The following PHC3 variants were observed in gnomAD, a reference collection of about 807,000 sequenced individuals.
The protein encoded by PHC3 is polyhomeotic-like protein 3.
In PHC3, 13 loss-of-function variants were observed where a neutral mutation model predicts 107.4. That is an observed-to-expected ratio of 0.12 (90% CI 0.08 to 0.19). The LOEUF is 0.19. Among genes scored for constraint, PHC3 ranks in the 10% least tolerant of loss-of-function variants. The pLI is 1.00. For missense variants in PHC3, 992 were observed against 1,210.9 expected (o/e 0.82, Z 2.68); for synonymous variants, 456 against 427.4 (o/e 1.07, Z -0.83).
intron 4 of PHC3, among the ~76,000 whole-genome samples, chr3:170,150,970 T>C (rs748701615): frequency 5.9e-5 from 9 of 152,208 alleles, no homozygotes; most frequent in Admixed American, 1.3e-4. Context: ...CCCAGCACTT[T>C]GGGAGGCTGA....
At chr3:170,144,211 C>T (rs1182252620) in intron 6 of PHC3, among the ~76,000 whole-genome samples, 2 of 150,018 alleles carry the variant, frequency 1.3e-5, no homozygotes, top group South Asian at 2.1e-4. Context: ...CGTAGTAGTG[C>T]GTGCCTGTAA....
Position 170,172,698 on chromosome 3 carries a change from T to C in PHC3, c.195A>G (p.Ala65=), listed in dbSNP as rs371775775. ...CAGCTGAGCTGGGGGGCCGATGCAATGCCTGTTGAATTACCTGTGATAAGT... is the reference window on the plus strand; with the variant it reads ...CAGCTGAGCTGGGGGGCCGATGCAACGCCTGTTGAATTACCTGTGATAAGT... The part of the protein sequence containing the change: ...DRHAVQVIQQ[A]LHRPPSSAAQ... The change falls in exon 3 of 15, where the codon GCA becomes GCG. Residue 65 remains alanine (A), a synonymous_variant. Coordinates refer to ENST00000495893, the MANE Select transcript of PHC3 (RefSeq NM_024947.4). 465 of 1,606,568 alleles carry C rather than the reference T, an allele frequency of 2.9e-4. No individual in the cohort carries two copies. The highest frequency in any genetic ancestry group is 2.4e-3 in the Middle Eastern group (14 of 5,912).
rs1052781575 is a variant in PHC3 at position 170,097,401 on chromosome 3, G to A, written c.2834-17C>T. On this transcript the variant is annotated splice_polypyrimidine_tract_variant and intron_variant, in intron 14 of 14. Coordinates refer to ENST00000495893, the MANE Select transcript of PHC3 (RefSeq NM_024947.4). This position sits in a 1 kb window ranked among gnomAD's most constrained non-coding sequence, Gnocchi z 4.1. ...CCTGGCAGCCTGGAATTTGACCAGA[G>A]GACAGAAGTTAGAATTAAATATACA... is the stretch of plus-strand genomic sequence containing the variant. The A allele has an allele frequency of 1.2e-6, 2 of 1,607,680 alleles. No homozygotes were observed. Among genetic ancestry groups the A allele is most frequent in the Admixed American group, 1.7e-5 (1 of 59,642 alleles).
chr3:170,178,182 C>T (rs1730810272), intron 2 of PHC3, among the ~76,000 whole-genome samples: 1 of 142,030 alleles, frequency 7.0e-6, no homozygotes, highest in Admixed American at 7.5e-5. Context: ...CTCGTTCTGT[C>T]GCTCAGGCGG....
rs1283640198 is a variant in PHC3 at position 170,136,498 on chromosome 3, C to T, written c.840G>A (p.Lys280=). ...ATTCCAGGCTTGGGCTCTCTCCTTT[C>T]TTATTACTTTCTGGAGAAGGATCTC... is the stretch of plus-strand genomic sequence containing the variant. The part of the protein sequence containing the change: ...SQRDPSPESN[K]KGESPSLESR... Residue 280 remains lysine (K), a synonymous_variant, in exon 7 of 15, where the codon AAG becomes AAA. Transcript: ENST00000495893. 1.1e-5 allele frequency: 18 copies of T among 1,606,560 alleles called. No individual in the cohort carries two copies. Among genetic ancestry groups the T allele is most frequent in the Non-Finnish European group, 1.5e-5 (18 of 1,176,874 alleles).
chr3:170,162,345 T>C (rs897003322), intron 4 of PHC3, among the ~76,000 whole-genome samples: 4 of 152,288 alleles, frequency 2.6e-5, no homozygotes, highest in Admixed American at 6.5e-5. Context: ...ATACACATCA[T>C]CAACTTAACA....
At chr3:170,131,775 T>A (rs758742287) in intron 7 of PHC3, among the ~76,000 whole-genome samples, 1 of 152,014 alleles carries the variant, frequency 6.6e-6, no homozygotes, top group Non-Finnish European at 1.5e-5. Flanking sequence ...AGGCGGAAGT[T>A]GCAGTGATCT....
chr3:170,117,296 A>G lies in PHC3; in HGVS notation c.2123T>C (p.Ile708Thr), dbSNP rs759021805. Residue 708 changes from isoleucine (I) to threonine (T), a missense_variant, in exon 10 of 15, where the codon ATT (isoleucine) becomes ACT (threonine). This residue lies in a region of PHC3 where 543 missense variants were observed against 590.8 expected (regional missense o/e 0.92). Transcript: ENST00000495893. The stretch of plus-strand genomic sequence containing the variant: ...ATGGGTTAGGATCTGTGGTTTAACA[A>G]TAGCCTGTGGAGGTTTGTTCTCTAT... ...PSIENKPPQA[I>T]VKPQILTHVI... The G allele has an allele frequency of 6.2e-6, 10 of 1,614,002 alleles. No individual in the cohort carries two copies. The highest frequency in any genetic ancestry group is 8.5e-6 in the Non-Finnish European group (10 of 1,179,876).
intron 6 of PHC3, among the ~76,000 whole-genome samples, chr3:170,142,847 T>C (rs996428116): frequency 6.6e-6 from 1 of 152,140 alleles, no homozygotes; most frequent in Non-Finnish European, 1.5e-5. Context: ...CTAGCTCTAT[T>C]AGGTTTCATA....
intron 2 of PHC3, among the ~76,000 whole-genome samples, chr3:170,174,356 T>C (rs1044693913): frequency 3.3e-5 from 5 of 152,214 alleles, no homozygotes; most frequent in Non-Finnish European, 5.9e-5. Context: ...AAAGTGTTAA[T>C]TACTGTGAAT....
intron 11 of PHC3, among the ~76,000 whole-genome samples, chr3:170,108,767 A>G (rs982385674): frequency 3.9e-5 from 6 of 152,342 alleles, no homozygotes; most frequent in African/African-American, 1.4e-4. Flanking sequence ...CACCACTGCC[A>G]TTAGTTCCAG....
intron 6 of PHC3, among the ~76,000 whole-genome samples, chr3:170,141,406 G>A (rs1724084333): frequency 6.6e-6 from 1 of 152,080 alleles, no homozygotes; most frequent in South Asian, 2.1e-4. Context: ...CTCATAATTA[G>A]AACACATCAA....
At position 170,096,100 on chromosome 3, in the gene PHC3, A is replaced by C. The variant is rs1714609018; in HGVS notation, c.*1130T>G. On this transcript the variant is annotated 3_prime_UTR_variant, in exon 15 of 15. Coordinates refer to ENST00000495893, the MANE Select transcript of PHC3 (RefSeq NM_024947.4). ...TCTTCGTCAGTGCAGAGGAGCACAG[A>C]GGTATGAAAGATAATCAGAATGAAT... The C allele has an allele frequency of 1.3e-5, 2 of 152,222 alleles. No individual in the cohort carries two copies. Among genetic ancestry groups the C allele is most frequent in the South Asian group, 4.1e-4 (2 of 4,836 alleles). The allele number at this position is 152,222 out of a possible 1,614,324, so 9.4% of individuals were successfully genotyped here. A position where few individuals can be genotyped will look rare whatever the true frequency, so the allele number is the denominator to read the frequency against.
chr3:170,168,879 A>T (rs951097148), intron 4 of PHC3, among the ~76,000 whole-genome samples: 6 of 152,124 alleles, frequency 3.9e-5, no homozygotes, highest in Admixed American at 3.9e-4. Context: ...TCAATTAACA[A>T]GTCTACTCTC....
intron 11 of PHC3, among the ~76,000 whole-genome samples, chr3:170,111,196 T>A (rs773007571): frequency 1.3e-5 from 2 of 151,770 alleles, no homozygotes; most frequent in African/African-American, 2.4e-5. Context: ...TAAGGAAATG[T>A]GTATTATTTT....
intron 4 of PHC3, among the ~76,000 whole-genome samples, chr3:170,159,050 G>C (rs1186816972): frequency 6.6e-6 from 1 of 152,000 alleles, no homozygotes; most frequent in African/African-American, 2.4e-5. Flanking sequence ...AGGAGATCGA[G>C]ACCATCCTGG....
At chr3:170,161,526 C>T (rs998002481) in intron 4 of PHC3, among the ~76,000 whole-genome samples, 4 of 152,134 alleles carry the variant, frequency 2.6e-5, no homozygotes, top group African/African-American at 9.7e-5. Context: ...ATAGGGTTCA[C>T]GCTCCTATGA....
At chr3:170,126,598 G>C (rs1446794519) in intron 8 of PHC3, among the ~76,000 whole-genome samples, 1 of 147,030 alleles carries the variant, frequency 6.8e-6, no homozygotes, top group Admixed American at 6.9e-5. Flanking sequence ...CTGGAGTGCA[G>C]TGGTACGATC....
intron 4 of PHC3, among the ~76,000 whole-genome samples, chr3:170,157,402 A>T (rs1241061401): frequency 6.6e-6 from 1 of 152,212 alleles, no homozygotes; most frequent in Admixed American, 6.5e-5. Context: ...GGCTTTAGGG[A>T]ACTTAATACC....
Sources: gnomAD v4.1 joint callset for allele counts (sites outside exome capture counted in the v4.1 genomes callset) on GRCh38, gnomAD v4.1.1 for gene constraint, gnomAD v4.1.1 regional missense constraint, Gnocchi (gnomAD v3.1) non-coding constraint, MANE v1.5 for transcripts, NCBI Gene and HGNC (gene_info 2026-07-23, HGNC 2026-07-21) for gene names.